The following STC1 variants were observed in gnomAD, a reference collection of about 807,000 sequenced individuals.
The protein encoded by STC1 is stanniocalcin-1.
A neutral mutation model predicts 22.6 loss-of-function variants in STC1; 7 were observed. The observed-to-expected ratio is 0.31, with a 90% confidence interval of 0.18 to 0.58. The LOEUF (loss-of-function observed/expected upper bound fraction) is 0.58, where lower values mean the gene tolerates loss of function less well. Among genes scored for constraint, STC1 ranks in the 20% least tolerant of loss-of-function variants. The probability of loss-of-function intolerance (pLI) is 0.89; values close to 1 mark genes in which losing one functional copy is unlikely to be tolerated. For missense variants in STC1, 224 were observed against 311.0 expected, an observed-to-expected ratio of 0.72 and a Z score of 2.10; for synonymous variants, 113 against 120.7, an observed-to-expected ratio of 0.94 and a Z score of 0.42.
At chr8:23,847,682 C>G (rs565035425) in intron 3 of STC1, among the ~76,000 whole-genome samples, 9 of 152,194 alleles carry the variant, frequency 5.9e-5, no homozygotes, top group Non-Finnish European at 1.3e-4. Flanking sequence ...AATGACATAG[C>G]CCTTTCCTGT....
intron 3 of STC1, among the ~76,000 whole-genome samples, chr8:23,849,340 A>G (rs776996643): frequency 6.6e-6 from 1 of 152,210 alleles, no homozygotes; most frequent in Non-Finnish European, 1.5e-5. Flanking sequence ...CAGGAATAAT[A>G]TAGCCTGTTA....
chr8:23,842,458 G>A lies in STC1; in HGVS notation c.*2312C>T, dbSNP rs1392843552. On this transcript the variant is annotated 3_prime_UTR_variant, in exon 4 of 4. Coordinates refer to ENST00000290271, the MANE Select transcript of STC1 (RefSeq NM_003155.3). ...TATCATCGTGGGGAGAAAAGGGGGG[G>A]TACCACGGTTTGAAGAGGTCACAGC... is the stretch of plus-strand genomic sequence containing the variant. 1 of 125,832 alleles carries A rather than the reference G, an allele frequency of 7.9e-6. No individual in the cohort carries two copies. The highest frequency in any genetic ancestry group is 1.6e-5 in the Non-Finnish European group (1 of 63,350). The allele number at this position is 125,832 out of a possible 1,614,324, so 7.8% of individuals were successfully genotyped here. A position where few individuals can be genotyped will look rare whatever the true frequency, so the allele number is the denominator to read the frequency against.
intron 3 of STC1, among the ~76,000 whole-genome samples, chr8:23,848,529 C>CAAAAAAAAA (rs796433655): frequency 3.1e-5 from 2 of 63,612 alleles, no homozygotes; most frequent in African/African-American, 5.5e-5. Context: ...GATACTCTGT[C>CAAAAAAAAA]AAAAAAAAAA....
chr8:23,851,554 G>A (rs1240219958), intron 2 of STC1, 23 bp from the exon 3 acceptor site: 4 of 1,612,246 alleles, frequency 2.5e-6, no homozygotes, highest in African/African-American at 1.3e-5. Context: ...AAGGACAAGA[G>A]GGAGGTCTTT....
At position 23,849,778 on chromosome 8, in the gene STC1, T is replaced by A. The variant is rs528779962; in HGVS notation, c.473+1542A>T. 4.3e-4 allele frequency among the ~76,000 whole-genome samples: 65 copies of A among 151,986 alleles called. 1 individual carries two copies. In the South Asian group the frequency reaches 0.014, roughly 32 times the overall value. ...GCTAATGTACCTCTCCCCCCACCCC[T>A]AACTACCACACAAACACATACTTTG... On this transcript the variant is annotated intron_variant, in intron 3 of 3. Coordinates refer to ENST00000290271, the MANE Select transcript of STC1 (RefSeq NM_003155.3).
intron 3 of STC1, among the ~76,000 whole-genome samples, chr8:23,850,875 A>T (rs1036862747): frequency 7.0e-6 from 1 of 143,842 alleles, no homozygotes; most frequent in African/African-American, 2.6e-5. Context: ...AAATAGATGG[A>T]GACTTAAAAT....
intron 1 of STC1, chr8:23,853,970 A>G: frequency 2.1e-6 from 2 of 956,226 alleles, no homozygotes; most frequent in Non-Finnish European, 2.5e-6. Context: ...TCTCTTAGGT[A>G]GAGAAGTCAA....
intron 3 of STC1, among the ~76,000 whole-genome samples, chr8:23,846,724 A>G (rs540118908): frequency 3.9e-5 from 6 of 152,332 alleles, no homozygotes; most frequent in Admixed American, 3.9e-4. Flanking sequence ...CCTTCCCTCC[A>G]GGGAGAATTA....
In STC1 at chr8:23,844,384, T is replaced by C. The variant is rs574247061; in HGVS notation, c.*386A>G. The C allele has an allele frequency of 4.6e-6, 1 of 215,688 alleles. No homozygotes were observed. Among genetic ancestry groups the C allele is most frequent in the Admixed American group, 5.1e-5 (1 of 19,464 alleles). The allele number at this position is 215,688 out of a possible 1,614,324, so 13.4% of individuals were successfully genotyped here. ...GACATGCATTTAAATAAAGTTTCCT[T>C]ATCAGCTAACTCTACTGGGGCAACC... On this transcript the variant is annotated 3_prime_UTR_variant, in exon 4 of 4. Coordinates refer to ENST00000290271, the MANE Select transcript of STC1 (RefSeq NM_003155.3).
chr8:23,844,498 G>T lies in STC1; in HGVS notation c.*272C>A. 4.2e-6 allele frequency: 2 copies of T among 472,004 alleles called. No homozygotes were observed. Among genetic ancestry groups the T allele is most frequent in the Non-Finnish European group, 7.6e-6 (2 of 261,886 alleles). 29.2% of individuals were successfully genotyped at this position (472,004 alleles called of 1,614,324 possible). A position where few individuals can be genotyped will look rare whatever the true frequency, so the allele number is the denominator to read the frequency against. Reference sequence around the variant, plus strand: ...TGGGGGTGGTCTCAGGGGAGCAGGGGAAAAACATGGCAGAGGAAGTTGGTA... The same window carrying T: ...TGGGGGTGGTCTCAGGGGAGCAGGGTAAAAACATGGCAGAGGAAGTTGGTA... On this transcript the variant is annotated 3_prime_UTR_variant, in exon 4 of 4. Coordinates refer to ENST00000290271, the MANE Select transcript of STC1 (RefSeq NM_003155.3).
At chr8:23,853,820 G>A (rs760197598) in intron 1 of STC1, among the ~76,000 whole-genome samples, 138 of 152,198 alleles carry the variant, frequency 9.1e-4, no homozygotes, top group Non-Finnish European at 4.1e-4. Flanking sequence ...ACTGAATGGA[G>A]CCCTACAGAG....
intron 2 of STC1, 42 bp from the exon 3 acceptor site, chr8:23,851,573 C>T (rs1227081265): frequency 6.3e-7 from 1 of 1,595,300 alleles, no homozygotes; most frequent in Admixed American, 1.7e-5. Flanking sequence ...TTAGCTTGAC[C>T]TGACAAAGAG....
Position 23,844,697 on chromosome 8 carries a change from A to T in STC1, c.*73T>A, listed in dbSNP as rs538146939. 7.3e-4 allele frequency: 1,130 copies of T among 1,550,728 alleles called. 1 individual carries two copies. Among genetic ancestry groups the T allele is most frequent in the Non-Finnish European group, 8.9e-4 (1,014 of 1,138,216 alleles). On this transcript the variant is annotated 3_prime_UTR_variant, in exon 4 of 4. Transcript: ENST00000290271. ...TTAAAAAAATCAAACCAGGCACAGT[A>T]CACTCAAAACTGGTGTGTCAACACC... is the stretch of plus-strand genomic sequence containing the variant.
chr8:23,844,745 G>A lies in STC1; in HGVS notation c.*25C>T. 6.2e-7 allele frequency: 1 copy of A among 1,607,972 alleles called. No individual in the cohort carries two copies. The highest frequency in any genetic ancestry group is 8.5e-7 in the Non-Finnish European group (1 of 1,174,956). On this transcript the variant is annotated 3_prime_UTR_variant, in exon 4 of 4. Coordinates refer to ENST00000290271, the MANE Select transcript of STC1 (RefSeq NM_003155.3). ...ACCCCTAAAATGATACTAGTTTGGT[G>A]AGGTTGTGAATAACCTCTCCCTGGT...
rs550612813 is a variant in STC1 at position 23,848,125 on chromosome 8, A to G, written c.474-3085T>C. On this transcript the variant is annotated intron_variant, in intron 3 of 3. Transcript: ENST00000290271. Reference sequence around the variant, plus strand: ...ACCTCAGCAGTCATCTCCAACTATGACATTCTATGTTTCTAGGGATTCAAT... The same window carrying G: ...ACCTCAGCAGTCATCTCCAACTATGGCATTCTATGTTTCTAGGGATTCAAT... Among the ~76,000 whole-genome samples the G allele has an allele frequency of 3.7e-4, 57 of 152,082 alleles. 1 individual carries two copies. In the South Asian group the frequency reaches 0.012, roughly 32 times the overall value.
chr8:23,848,676 T>C (rs1219568403), intron 3 of STC1, among the ~76,000 whole-genome samples: 2 of 152,090 alleles, frequency 1.3e-5, no homozygotes, highest in East Asian at 3.9e-4. Context: ...ATGTTTCTTT[T>C]TTCTCACTTT....
chr8:23,850,934 T>A (rs997048067), intron 3 of STC1, among the ~76,000 whole-genome samples: 5 of 150,004 alleles, frequency 3.3e-5, no homozygotes, highest in Non-Finnish European at 5.9e-5. Flanking sequence ...TTTTTTTTTT[T>A]AATCATGGCC....
At position 23,854,654 on chromosome 8, in the gene STC1, A is replaced by AT. The variant is rs200702516; in HGVS notation, c.-132dup. Reference sequence around the variant, plus strand: ...AAGCTTAGGTGAGGATTTGATGAGGATTTTTTTTTGTTGTTGTTGCTGGTG... The same window carrying AT: ...AAGCTTAGGTGAGGATTTGATGAGGATTTTTTTTTTGTTGTTGTTGCTGGTG... On this transcript the variant is annotated 5_prime_UTR_variant, in exon 1 of 4. Transcript: ENST00000290271. 575 of 866,422 alleles carry AT rather than the reference A, an allele frequency of 6.6e-4. 1 individual carries two copies. The highest frequency in any genetic ancestry group is 5.6e-3 in the East Asian group (228 of 40,658). The allele number at this position is 866,422 out of a possible 1,614,324, so 53.7% of individuals were successfully genotyped here. A position where few individuals can be genotyped will look rare whatever the true frequency, so the allele number is the denominator to read the frequency against.
chr8:23,846,203 A>G (rs9969426), intron 3 of STC1, among the ~76,000 whole-genome samples: 15,413 of 152,020 alleles, frequency 0.1, 1,000 homozygotes, highest in African/African-American at 0.15. Flanking sequence ...AATTCTTTAA[A>G]TACCCCCAAG....
Sources: gnomAD v4.1 joint callset for allele counts (sites outside exome capture counted in the v4.1 genomes callset) on GRCh38, gnomAD v4.1.1 for gene constraint, MANE v1.5 for transcripts, NCBI Gene and HGNC (gene_info 2026-07-23, HGNC 2026-07-21) for gene names.